The following CFDP1 variants were observed in gnomAD, a reference collection of about 807,000 sequenced individuals.
CFDP1 encodes the protein chromatin remodeling protein CFDP1, also known as heterochromatin-stabilizing protein CFDP1.
A neutral mutation model predicts 40.1 loss-of-function variants in CFDP1; 31 were observed. The ratio of observed to expected loss-of-function variants is 0.77; its 90% confidence interval spans 0.58 to 1.04. The LOEUF is 1.04. CFDP1 is among the 50% of genes least tolerant of loss of function. CFDP1 has a pLI of 0.00. For synonymous variants in CFDP1, 167 were observed against 120.0 expected (o/e 1.39, Z -2.56); for missense variants, 423 against 343.4 (o/e 1.23, Z -1.83).
chr16:75,386,777 T>C lies in CFDP1; in HGVS notation c.650+8313A>G, dbSNP rs116487214. On this transcript the variant is annotated intron_variant, in intron 5 of 6. Transcript: ENST00000283882. ...TTAGAGTCTCATTTAGATGCTCAGA[T>C]TGGCAAGGACTTTATTTCATGACCC... 3.1e-3 allele frequency among the ~76,000 whole-genome samples: 477 copies of C among 152,264 alleles called. 2 individuals are homozygous for C. The highest frequency in any genetic ancestry group is 0.011 in the African/African-American group (464 of 41,538).
At chr16:75,307,840 A>C (rs558185576) in intron 5 of CFDP1, among the ~76,000 whole-genome samples, 98 of 152,330 alleles carry the variant, frequency 6.4e-4, no homozygotes, top group Non-Finnish European at 9.8e-4. Context: ...GATTATAGGC[A>C]CAAGCCACCA....
rs1193206878 is a variant in CFDP1 at position 75,414,569 on chromosome 16, C to G, written c.182+9G>C. The G allele has an allele frequency of 1.9e-6, 3 of 1,555,452 alleles. No individual in the cohort carries two copies. In the South Asian group the frequency reaches 3.3e-5, roughly 17 times the overall value. ...CCCTAACTTCTAAGGGCCTTGAAGG[C>G]AGCATCACCTGGCTGGAATGCTCTG... is the stretch of plus-strand genomic sequence containing the variant. On this transcript the variant is annotated intron_variant, in intron 2 of 6. Coordinates refer to ENST00000283882, the MANE Select transcript of CFDP1 (RefSeq NM_006324.3).
chr16:75,352,167 C>T (rs956339842), intron 5 of CFDP1, among the ~76,000 whole-genome samples: 1 of 151,740 alleles, frequency 6.6e-6, no homozygotes, highest in African/African-American at 2.4e-5. Context: ...ATGGCAAAAC[C>T]CTGTCTCTAC....
chr16:75,371,895 T>C (rs1247427427), intron 5 of CFDP1, among the ~76,000 whole-genome samples: 1 of 152,198 alleles, frequency 6.6e-6, no homozygotes, highest in Admixed American at 6.5e-5. Context: ...TACGAACTAG[T>C]AAGTGAAGAT....
intron 4 of CFDP1, among the ~76,000 whole-genome samples, chr16:75,401,898 G>A (rs924785740): frequency 6.6e-6 from 1 of 152,138 alleles, no homozygotes; most frequent in African/African-American, 2.4e-5. Context: ...TCACAGTTCA[G>A]CAGAACAGCC....
intron 5 of CFDP1, among the ~76,000 whole-genome samples, chr16:75,377,532 A>G (rs1442331805): frequency 2.0e-5 from 3 of 152,240 alleles, no homozygotes; most frequent in African/African-American, 7.2e-5. Context: ...TTCCAGCTGA[A>G]GTAACAAAAG....
At chr16:75,332,371 A>G (rs2078452355) in intron 5 of CFDP1, among the ~76,000 whole-genome samples, 2 of 152,180 alleles carry the variant, frequency 1.3e-5, no homozygotes, top group Non-Finnish European at 2.9e-5. Context: ...AGGCTGAGGC[A>G]GGAGAATCAC....
chr16:75,323,066 G>A lies in CFDP1; in HGVS notation c.651-17884C>T, dbSNP rs144769761. The stretch of plus-strand genomic sequence containing the variant: ...AATAAAAATTTAACCTTAGCTTACT[G>A]TAACTTTATAAACTTTTTAATCTTT... On this transcript the variant is annotated intron_variant, in intron 5 of 6. Coordinates refer to ENST00000283882, the MANE Select transcript of CFDP1 (RefSeq NM_006324.3). Among the ~76,000 whole-genome samples, 417 of 152,022 alleles carry A rather than the reference G, an allele frequency of 2.7e-3. 1 individual carries two copies. Among genetic ancestry groups the A allele is most frequent in the Middle Eastern group, 0.017 (5 of 294 alleles).
intron 4 of CFDP1, among the ~76,000 whole-genome samples, chr16:75,400,019 T>A (rs570545977): frequency 5.5e-4 from 81 of 147,248 alleles, no homozygotes; most frequent in African/African-American, 2.0e-3. Context: ...CAGAATCGCT[T>A]GAACCCAGGA....
intron 5 of CFDP1, among the ~76,000 whole-genome samples, chr16:75,346,294 C>T (rs868675649): frequency 1.8e-4 from 28 of 152,162 alleles, no homozygotes; most frequent in African/African-American, 6.5e-4. Flanking sequence ...GTAAAGAGCA[C>T]CAGGTAGGGC....
intron 5 of CFDP1, chr16:75,306,458 C>A (rs1252444523): frequency 1.3e-5 from 2 of 152,238 alleles, no homozygotes; most frequent in South Asian, 4.1e-4. Flanking sequence ...TGAACAATGA[C>A]CCTGAACATT....
chr16:75,318,617 G>A (rs1325126914), intron 5 of CFDP1, among the ~76,000 whole-genome samples: 1 of 152,064 alleles, frequency 6.6e-6, no homozygotes, highest in Non-Finnish European at 1.5e-5. Context: ...TGTTAGCCAG[G>A]ATGGTCTCGA....
At chr16:75,429,429 G>A (rs996874202) in intron 1 of CFDP1, among the ~76,000 whole-genome samples, 6 of 152,108 alleles carry the variant, frequency 3.9e-5, no homozygotes, top group South Asian at 2.1e-4. Context: ...TGAGGAGGGC[G>A]GATCACCTGA....
chr16:75,341,257 G>A (rs1170848061), intron 5 of CFDP1, among the ~76,000 whole-genome samples: 3 of 152,064 alleles, frequency 2.0e-5, no homozygotes, highest in East Asian at 3.8e-4. Context: ...TTGCCCACCC[G>A]TCCACCTGCA....
chr16:75,420,656 A>T (rs1424024026), intron 1 of CFDP1, among the ~76,000 whole-genome samples: 1 of 152,242 alleles, frequency 6.6e-6, no homozygotes, highest in Non-Finnish European at 1.5e-5. Flanking sequence ...TCTATATATA[A>T]GATAAAACAT....
At chr16:75,362,132 G>A (rs1268620176) in intron 5 of CFDP1, among the ~76,000 whole-genome samples, 1 of 152,222 alleles carries the variant, frequency 6.6e-6, no homozygotes, top group African/African-American at 2.4e-5. Flanking sequence ...TAATAAGTCA[G>A]ACGGGACAGT....
At chr16:75,308,251 C>T (rs1214362026) in intron 5 of CFDP1, among the ~76,000 whole-genome samples, 1 of 152,168 alleles carries the variant, frequency 6.6e-6, no homozygotes, top group Non-Finnish European at 1.5e-5. Context: ...AGGTGGAATG[C>T]TTCTCAGAAG....
At chr16:75,302,481 G>C (rs1434426380) in intron 6 of CFDP1, among the ~76,000 whole-genome samples, 3 of 152,188 alleles carry the variant, frequency 2.0e-5, no homozygotes, top group Non-Finnish European at 2.9e-5. Context: ...CTGGTCCTGA[G>C]CTCAAGCAGT....
At chr16:75,318,188 T>TGCTGTG (rs1349532070) in intron 5 of CFDP1, among the ~76,000 whole-genome samples, 1 of 152,108 alleles carries the variant, frequency 6.6e-6, no homozygotes, top group Non-Finnish European at 1.5e-5. Flanking sequence ...AACTGTGCTC[T>TGCTGTG]GCTGTGACTG....
Sources: allele counts gnomAD v4.1 joint callset (sites outside exome capture counted in the v4.1 genomes callset), GRCh38; gene constraint gnomAD v4.1.1; transcripts MANE v1.5; gene names NCBI Gene and HGNC (gene_info 2026-07-23, HGNC 2026-07-21).